SMIM13: variants seen among roughly 807,000 people sequenced by gnomAD.
SMIM13 encodes the protein UPF0766 protein C6orf228.
In SMIM13, 3 loss-of-function variants were observed where a neutral mutation model predicts 5.9. The observed-to-expected ratio is 0.51, with a 90% CI of 0.23 to 1.31. The LOEUF (loss-of-function observed/expected upper bound fraction) is 1.31, where lower values mean the gene tolerates loss of function less well. SMIM13 is among the 40% of genes most tolerant of loss of function. The pLI is 0.18. For synonymous variants in SMIM13, 55 were observed against 46.0 expected (o/e 1.19, Z -0.79); for missense variants, 85 against 109.9 (o/e 0.77, Z 1.01).
intron 1 of SMIM13, among the ~76,000 whole-genome samples, chr6:11,127,718 A>G (rs1040183611): frequency 2.6e-5 from 4 of 152,186 alleles, no homozygotes; most frequent in African/African-American, 9.6e-5. Flanking sequence ...TATGGGGGAA[A>G]CTGCTCCCCA....
At chr6:11,116,517 A>G (rs951098648) in intron 1 of SMIM13, among the ~76,000 whole-genome samples, 2 of 152,254 alleles carry the variant, frequency 1.3e-5, no homozygotes, top group African/African-American at 4.8e-5. Context: ...ATTTTCAACT[A>G]CAAATTCTGT....
intron 1 of SMIM13, chr6:11,104,889 G>C: frequency 1.2e-6 from 2 of 1,614,222 alleles, no homozygotes; most frequent in Non-Finnish European, 1.7e-6. Context: ...GACTGTACTT[G>C]GAAGAGTGCC....
chr6:11,135,872 C>T lies in SMIM13; in HGVS notation c.*1270C>T, dbSNP rs994098365. On this transcript the variant is annotated 3_prime_UTR_variant, in exon 2 of 2. Coordinates refer to ENST00000416247, the MANE Select transcript of SMIM13 (RefSeq NM_001135575.2). ...TTTTTTCTTAGTGATACATATGGTG[C>T]ATCTTAACAATTGGTAGTGTCTTAG... is the stretch of plus-strand genomic sequence containing the variant. 1 of 152,128 alleles carries T rather than the reference C, an allele frequency of 6.6e-6. No homozygotes were observed. The highest frequency in any genetic ancestry group is 2.4e-5 in the African/African-American group (1 of 41,418). 9.4% of individuals were successfully genotyped at this position (152,128 alleles called of 1,614,324 possible). A position where few individuals can be genotyped will look rare whatever the true frequency, so the allele number is the denominator to read the frequency against.
chr6:11,120,520 A>G (rs565082688), intron 1 of SMIM13, among the ~76,000 whole-genome samples: 2 of 152,296 alleles, frequency 1.3e-5, no homozygotes, highest in Admixed American at 1.3e-4. Context: ...CTATGACCTA[A>G]TCACCTCCCA....
intron 1 of SMIM13, among the ~76,000 whole-genome samples, chr6:11,107,902 G>T (rs1392978458): frequency 6.6e-6 from 1 of 152,194 alleles, no homozygotes; most frequent in Admixed American, 6.5e-5. Context: ...ATAGCTAGAA[G>T]GATTCTTGGG....
At chr6:11,104,506 T>A (rs756366726) in intron 1 of SMIM13, 1 of 1,559,916 alleles carries the variant, frequency 6.4e-7, no homozygotes, top group Admixed American at 1.9e-5. Context: ...ACTGCTGATA[T>A]GCCCAGGTAG....
chr6:11,120,799 A>G lies in SMIM13; in HGVS notation c.77-13604A>G, dbSNP rs560160789. On this transcript the variant is annotated intron_variant, in intron 1 of 1. Coordinates refer to ENST00000416247, the MANE Select transcript of SMIM13 (RefSeq NM_001135575.2). The stretch of plus-strand genomic sequence containing the variant: ...TTTTCTTATTTAGAAAATGGGAATA[A>G]TGATTGCTGGTCTCATTCAGATGGG... 6.0e-4 allele frequency among the ~76,000 whole-genome samples: 91 copies of G among 152,294 alleles called. No individual in the cohort carries two copies. In the Middle Eastern group the frequency reaches 0.01, roughly 17 times the overall value.
intron 1 of SMIM13, among the ~76,000 whole-genome samples, chr6:11,122,792 G>A (rs1032209968): frequency 6.6e-6 from 1 of 151,402 alleles, no homozygotes; most frequent in Non-Finnish European, 1.5e-5. Flanking sequence ...GTTTTTTTTT[G>A]GGGTGGCTCC....
chr6:11,110,535 G>A lies in SMIM13; in HGVS notation c.76+16146G>A, dbSNP rs370682422. Among the ~76,000 whole-genome samples, 6 of 152,260 alleles carry A rather than the reference G, an allele frequency of 3.9e-5. No individual in the cohort carries two copies. The South Asian group carries it at 1.2e-3, about 32-fold the overall frequency. ...CTCTCCCTTCAAATATAACTTTGAA[G>A]GTCCTGATACATATTGAGAAGGGCC... is the stretch of plus-strand genomic sequence containing the variant. On this transcript the variant is annotated intron_variant, in intron 1 of 1. Transcript: ENST00000416247.
chr6:11,134,786 C>T lies in SMIM13; in HGVS notation c.*184C>T, dbSNP rs901949030. ...AACCAAATTGGACTATTATAAATTT[C>T]ATCTTAAAGATAATCTTTTGTTTCA... On this transcript the variant is annotated 3_prime_UTR_variant, in exon 2 of 2. Transcript: ENST00000416247. 3 of 435,076 alleles carry T rather than the reference C, an allele frequency of 6.9e-6. No individual in the cohort carries two copies. The Admixed American group carries it at 1.2e-4, about 18-fold the overall frequency. The allele number at this position is 435,076 out of a possible 1,614,324, so 27.0% of individuals were successfully genotyped here.
At chr6:11,125,333 C>G (rs556964071) in intron 1 of SMIM13, among the ~76,000 whole-genome samples, 1 of 148,236 alleles carries the variant, frequency 6.7e-6, no homozygotes, top group Non-Finnish European at 1.5e-5. Flanking sequence ...TGGTGGCTCA[C>G]GCCTGTAATT....
intron 1 of SMIM13, among the ~76,000 whole-genome samples, chr6:11,122,321 A>G (rs1758322360): frequency 6.6e-6 from 1 of 152,246 alleles, no homozygotes; most frequent in African/African-American, 2.4e-5. Context: ...TTTAACTAGA[A>G]TCGTTCCACT....
intron 1 of SMIM13, among the ~76,000 whole-genome samples, chr6:11,107,198 A>G (rs1320549605): frequency 6.6e-6 from 1 of 152,204 alleles, no homozygotes; most frequent in African/African-American, 2.4e-5. Context: ...GTATCTCACA[A>G]CACAAATGTG....
rs900232563 is a variant in SMIM13 at position 11,094,224 on chromosome 6, G to T, written c.-90G>T. 2.6e-5 allele frequency: 16 copies of T among 616,362 alleles called. No individual in the cohort carries two copies. The highest frequency in any genetic ancestry group is 2.4e-4 in the Admixed American group (4 of 16,500). The allele number at this position is 616,362 out of a possible 1,614,324, so 38.2% of individuals were successfully genotyped here. A position where few individuals can be genotyped will look rare whatever the true frequency, so the allele number is the denominator to read the frequency against. On this transcript the variant is annotated 5_prime_UTR_variant, in exon 1 of 2. Transcript: ENST00000416247. ...GCCCCGGCGCCCAGCCGCGCCTGGC[G>T]CCCGCCGCTGAAGCGCAGGACGCGC...
chr6:11,111,438 T>TC (rs765949965), intron 1 of SMIM13, among the ~76,000 whole-genome samples: 15 of 152,188 alleles, frequency 9.9e-5, no homozygotes, highest in Admixed American at 3.3e-4. Flanking sequence ...CAGCCTCCTG[T>TC]CTGGGGGGGC....
chr6:11,129,311 C>T (rs72825141), intron 1 of SMIM13, among the ~76,000 whole-genome samples: 3,386 of 152,284 alleles, frequency 0.022, 52 homozygotes, highest in South Asian at 0.049. Flanking sequence ...ACTTATTTCA[C>T]TTAACATAAT....
chr6:11,105,023 T>C, intron 1 of SMIM13: 7 of 1,614,180 alleles, frequency 4.3e-6, no homozygotes, highest in African/African-American at 1.3e-5. Flanking sequence ...AATCTTGCTT[T>C]ACTGTTGAAA....
chr6:11,105,575 C>T (rs1758073426), intron 1 of SMIM13: 1 of 409,720 alleles, frequency 2.4e-6, no homozygotes, highest in Non-Finnish European at 4.6e-6. Context: ...AAGGGCTTTT[C>T]CACAGCTTCA....
chr6:11,117,597 T>C (rs1018019808), intron 1 of SMIM13, among the ~76,000 whole-genome samples: 2 of 152,196 alleles, frequency 1.3e-5, no homozygotes, highest in East Asian at 3.9e-4. Flanking sequence ...AGTATGTTGT[T>C]AAATTTTGAA....
Sources: gnomAD v4.1 joint callset for allele counts (sites outside exome capture counted in the v4.1 genomes callset) on GRCh38, gnomAD v4.1.1 for gene constraint, MANE v1.5 for transcripts, NCBI Gene and HGNC (gene_info 2026-07-23, HGNC 2026-07-21) for gene names.